Variants in ZNF558 observed in about 807,000 individuals in gnomAD.
ZNF558 encodes the protein zinc finger protein 558.
In ZNF558, 23 loss-of-function variants were observed where a neutral mutation model predicts 37.6. The ratio of observed to expected loss-of-function variants is 0.61; its 90% CI spans 0.44 to 0.87. The LOEUF (loss-of-function observed/expected upper bound fraction) is 0.87. Among genes scored for constraint, ZNF558 ranks in the 40% least tolerant of loss-of-function variants. The pLI is 0.00. For missense variants in ZNF558, 429 were observed against 483.7 expected, an observed-to-expected ratio of 0.89 and a Z score of 1.06; for synonymous variants, 189 against 174.4, an observed-to-expected ratio of 1.08 and a Z score of -0.66.
intron 2 of ZNF558, among the ~76,000 whole-genome samples, chr19:8,827,571 CTTTT>C (rs386388513): frequency 2.1e-5 from 2 of 94,080 alleles, no homozygotes; most frequent in Admixed American, 2.9e-4. Flanking sequence ...TTTCCCTATT[CTTTT>C]TTTTTTTTTT....
rs1172931606 is a variant in ZNF558, at chr19:8,816,908, C to CA, written c.248-3687dup. Among the ~76,000 whole-genome samples the CA allele has an allele frequency of 2.6e-5, 4 of 152,090 alleles. No individual in the cohort carries two copies. In the East Asian group the frequency reaches 7.7e-4, roughly 29 times the overall value. ...ACAAAATTACTAAACAGAACAGCTA[C>CA]AGTGAAACAAAGTTTTTATATACTA... On this transcript the variant is annotated intron_variant, in intron 7 of 9. Coordinates refer to ENST00000601372, the MANE Select transcript of ZNF558 (RefSeq NM_144693.3).
chr19:8,811,115 G>A lies in ZNF558; in HGVS notation c.*166C>T. The A allele has an allele frequency of 1.6e-6, 1 of 624,496 alleles. No individual in the cohort carries two copies. Among genetic ancestry groups the A allele is most frequent in the Non-Finnish European group, 2.7e-6 (1 of 371,700 alleles). The allele number at this position is 624,496 out of a possible 1,614,324, so 38.7% of individuals were successfully genotyped here. ...TAAGCTGTTCTTGAATTCCTGATCTGTAGAAATTGTTAGAGAATAAACATT... is the reference window on the plus strand; with the variant it reads ...TAAGCTGTTCTTGAATTCCTGATCTATAGAAATTGTTAGAGAATAAACATT... On this transcript the variant is annotated 3_prime_UTR_variant, in exon 10 of 10. Coordinates refer to ENST00000601372, the MANE Select transcript of ZNF558 (RefSeq NM_144693.3).
At chr19:8,837,101 A>G (rs921499517), upstream of ZNF558, among the ~76,000 whole-genome samples, 2 of 152,200 alleles carry the variant, frequency 1.3e-5, no homozygotes, top group African/African-American at 4.8e-5. Flanking sequence ...CCAGTTTGTC[A>G]AGACATGAAG....
chr19:8,835,356 A>C (rs745697023), upstream of ZNF558, among the ~76,000 whole-genome samples: 8 of 152,264 alleles, frequency 5.3e-5, no homozygotes, highest in African/African-American at 1.9e-4. Flanking sequence ...CCAGCCTGAA[A>C]AATGAACAAA....
At chr19:8,812,358 A>T (rs1243444042) in intron 9 of ZNF558, among the ~76,000 whole-genome samples, 2 of 152,224 alleles carry the variant, frequency 1.3e-5, no homozygotes, top group African/African-American at 2.4e-5. Flanking sequence ...TACTTGTGGG[A>T]ACTCTCCGTG....
chr19:8,813,237 A>C lies in ZNF558; in HGVS notation c.248-15T>G. ...AACACGACACCCTATTTATGGAAACAATACACATGATATAGGTAACAGTGC... is the reference window on the plus strand; with the variant it reads ...AACACGACACCCTATTTATGGAAACCATACACATGATATAGGTAACAGTGC... On this transcript the variant is annotated splice_polypyrimidine_tract_variant and intron_variant, in intron 7 of 9. Coordinates refer to ENST00000601372, the MANE Select transcript of ZNF558 (RefSeq NM_144693.3). The C allele has an allele frequency of 6.4e-7, 1 of 1,564,462 alleles. No individual in the cohort carries two copies. Among genetic ancestry groups the C allele is most frequent in the Non-Finnish European group, 8.7e-7 (1 of 1,150,158 alleles).
chr19:8,836,586 G>T (rs2044458314), upstream of ZNF558, among the ~76,000 whole-genome samples: 1 of 151,876 alleles, frequency 6.6e-6, no homozygotes, highest in Non-Finnish European at 1.5e-5. Flanking sequence ...CGACCTCCTG[G>T]GCTCAAGTCA....
intron 7 of ZNF558, among the ~76,000 whole-genome samples, chr19:8,815,296 A>G (rs1555769909): frequency 8.5e-5 from 13 of 152,176 alleles, no homozygotes; most frequent in Non-Finnish European, 2.9e-5. Context: ...AATAGGTACA[A>G]CTATGGCATA....
chr19:8,820,934 G>A (rs1475638889), intron 7 of ZNF558, among the ~76,000 whole-genome samples: 4 of 152,088 alleles, frequency 2.6e-5, no homozygotes, highest in South Asian at 4.1e-4. Flanking sequence ...GGAAAGTAAC[G>A]GGTATTGGCT....
At position 8,822,892 on chromosome 19, in the gene ZNF558, G is replaced by A. The variant is rs922102241; in HGVS notation, c.-65-168C>T. 8.0e-6 allele frequency: 5 copies of A among 625,164 alleles called. No individual in the cohort carries two copies. The African/African-American group carries it at 9.2e-5, about 12-fold the overall frequency. 38.7% of individuals were successfully genotyped at this position (625,164 alleles called of 1,614,324 possible). ...GGCAATGAATTCAGGGCCACCTGAT[G>A]GAAAACTTGCCTTCCTCTGTCCCCA... On this transcript the variant is annotated intron_variant, in intron 4 of 9. Coordinates refer to ENST00000601372, the MANE Select transcript of ZNF558 (RefSeq NM_144693.3). This position sits in a 1 kb window ranked among gnomAD's most constrained non-coding sequence, Gnocchi z 4.4.
In ZNF558 at chr19:8,808,731, A is replaced by G. The variant is rs2043724130; in HGVS notation, c.*2550T>C. ...TAACAGAACACCACCTCAAAAACAA[A>G]CAACAGATCATGTTGGCTTCAATCA... is the stretch of plus-strand genomic sequence containing the variant. On this transcript the variant is annotated 3_prime_UTR_variant, in exon 10 of 10. Transcript: ENST00000601372. 1 of 152,080 alleles carries G rather than the reference A, an allele frequency of 6.6e-6. No homozygotes were observed. The highest frequency in any genetic ancestry group is 1.5e-5 in the Non-Finnish European group (1 of 67,970). 9.4% of individuals were successfully genotyped at this position (152,080 alleles called of 1,614,324 possible).
At position 8,822,621 on chromosome 19, in the gene ZNF558, C is replaced by T. The variant is rs560827457; in HGVS notation, c.31+8G>A. 1.2e-4 allele frequency: 186 copies of T among 1,614,068 alleles called. No homozygotes were observed. In the East Asian group the frequency reaches 3.0e-3, roughly 26 times the overall value. On this transcript the variant is annotated splice_region_variant and intron_variant, in intron 5 of 9. Transcript: ENST00000601372. This position sits in a 1 kb window ranked among gnomAD's most constrained non-coding sequence, Gnocchi z 4.4. Reference sequence around the variant, plus strand: ...GACTCTGAGAAATGTCAGGACCCCACGACTCACCAGCAGTCGAGGGCAGGA... The same window carrying T: ...GACTCTGAGAAATGTCAGGACCCCATGACTCACCAGCAGTCGAGGGCAGGA...
At chr19:8,813,755 T>C (rs2043858314) in intron 7 of ZNF558, among the ~76,000 whole-genome samples, 1 of 152,228 alleles carries the variant, frequency 6.6e-6, no homozygotes, top group Admixed American at 6.5e-5. Flanking sequence ...TGATAGGGCA[T>C]AAACAGCCCC....
At chr19:8,833,110 G>A (rs1190926542), upstream of ZNF558, 1 of 152,476 alleles carries the variant, frequency 6.6e-6, no homozygotes, top group African/African-American at 2.4e-5. Context: ...TGAATAAAAG[G>A]GTGTATGATG....
chr19:8,831,724 C>G (rs1653682498), intron 1 of ZNF558, among the ~76,000 whole-genome samples: 1 of 152,192 alleles, frequency 6.6e-6, no homozygotes, highest in Non-Finnish European at 1.5e-5. Context: ...AGTGACTAAA[C>G]TGAATTTTTA....
chr19:8,825,649 C>T (rs2044214475), intron 2 of ZNF558, among the ~76,000 whole-genome samples: 1 of 152,106 alleles, frequency 6.6e-6, no homozygotes, highest in African/African-American at 2.4e-5. Flanking sequence ...GTGTGACCTC[C>T]ATGACATGAA....
At position 8,811,432 on chromosome 19, in the gene ZNF558, C is replaced by T; in HGVS notation, c.1058G>A (p.Cys353Tyr). The change falls in exon 10 of 10, where the codon TGT (cysteine) becomes TAT (tyrosine). Residue 353 changes from cysteine to tyrosine, a missense_variant. Coordinates refer to ENST00000601372, the MANE Select transcript of ZNF558 (RefSeq NM_144693.3). ...TGAGAGATTATTAAAGGCTTTTCCA[C>T]AGTCACTGCACTCGTAGGGTTTCTC... ...TGEKPYECSDCGKAFNNLSAV... is the reference protein window; with the variant it reads ...TGEKPYECSDYGKAFNNLSAV... 1 of 1,614,086 alleles carries T rather than the reference C, an allele frequency of 6.2e-7. No homozygotes were observed.
At chr19:8,826,588 G>A (rs2044237051) in intron 2 of ZNF558, among the ~76,000 whole-genome samples, 1 of 152,116 alleles carries the variant, frequency 6.6e-6, no homozygotes, top group Non-Finnish European at 1.5e-5. Context: ...AGGTGGTAAT[G>A]CGAGCAATGA....
chr19:8,813,597 C>A (rs186769274), intron 7 of ZNF558, among the ~76,000 whole-genome samples: 1 of 152,258 alleles, frequency 6.6e-6, no homozygotes, highest in African/African-American at 2.4e-5. Flanking sequence ...GATCTCCTGG[C>A]CTCGTGATCC....
Sources: allele counts gnomAD v4.1 joint callset (sites outside exome capture counted in the v4.1 genomes callset), GRCh38; gene constraint gnomAD v4.1.1; non-coding constraint Gnocchi (gnomAD v3.1); transcripts MANE v1.5; gene names NCBI Gene and HGNC (gene_info 2026-07-23, HGNC 2026-07-21).